Variants in TRIM5 observed in about 807,000 individuals in gnomAD.
The protein encoded by TRIM5 is tripartite motif containing 5.
A neutral mutation model predicts 35.6 loss-of-function variants in TRIM5; 31 were observed. The observed-to-expected ratio is 0.87, with a 90% confidence interval of 0.65 to 1.18. The LOEUF is 1.18. Among genes scored for constraint, TRIM5 ranks in the 50% most tolerant of loss-of-function variants. The pLI, the probability that TRIM5 is intolerant of heterozygous loss-of-function variation, is 0.00. For synonymous variants in TRIM5, 243 were observed against 215.6 expected (o/e 1.13, Z -1.11); for missense variants, 609 against 591.6 (o/e 1.03, Z -0.31).
chr11:5,609,635 A>G, the TRIM5 span, among the ~76,000 whole-genome samples: 9,706 of 152,302 alleles, frequency 0.064, 347 homozygotes, highest in South Asian at 0.11. Context: ...TAAGAAGTTA[A>G]ATCTTGGACA....
the TRIM5 span, among the ~76,000 whole-genome samples, chr11:5,630,072 C>A: frequency 1.1e-4 from 17 of 152,092 alleles, no homozygotes; most frequent in African/African-American, 3.1e-4. Context: ...ACTAACGTAG[C>A]TTAGGTAAAT....
the TRIM5 span, among the ~76,000 whole-genome samples, chr11:5,628,839 C>A: frequency 1.3e-5 from 2 of 150,152 alleles, no homozygotes; most frequent in African/African-American, 4.9e-5. Flanking sequence ...ATGTGAAAAT[C>A]GGTTCTATTC....
the TRIM5 span, among the ~76,000 whole-genome samples, chr11:5,607,268 G>A: frequency 6.6e-6 from 1 of 152,198 alleles, no homozygotes; most frequent in African/African-American, 2.4e-5. Context: ...GCCAACATAA[G>A]AGAAGTAGCC....
chr11:5,645,112 AATCCCAGCCAGCACTTTGGG>A, the TRIM5 span, among the ~76,000 whole-genome samples: 8 of 152,206 alleles, frequency 5.3e-5, no homozygotes, highest in Non-Finnish European at 1.0e-4. Context: ...TCATGCCGGT[AATCCCAGCCAGCACTTTGGG>A]ATCCCAGCCA....
the TRIM5 span, among the ~76,000 whole-genome samples, chr11:5,615,251 C>T: frequency 3.3e-5 from 5 of 152,042 alleles, no homozygotes; most frequent in Admixed American, 6.5e-5. Context: ...TTCTGTGGTC[C>T]TGGGGTACAG....
chr11:5,662,932 C>T (rs2134006288), downstream of TRIM5, among the ~76,000 whole-genome samples: 1 of 152,238 alleles, frequency 6.6e-6, no homozygotes, highest in Middle Eastern at 3.4e-3. Flanking sequence ...GCTTCGGGAT[C>T]CGCCTGGGCA....
At chr11:5,611,406 C>G in the TRIM5 span, 4 of 1,245,900 alleles carry the variant, frequency 3.2e-6, no homozygotes, top group East Asian at 9.3e-5. Context: ...GTGATTCTCC[C>G]TTCTGATCTT....
chr11:5,633,514 T>C, the TRIM5 span, among the ~76,000 whole-genome samples: 2,880 of 152,306 alleles, frequency 0.019, 90 homozygotes, highest in African/African-American at 0.066. Flanking sequence ...GTGGATTGAA[T>C]GAGGAAAGAG....
At chr11:5,661,790 T>C (rs183848741), downstream of TRIM5, among the ~76,000 whole-genome samples, 527 of 152,312 alleles carry the variant, frequency 3.5e-3, 2 homozygotes, top group Middle Eastern at 6.8e-3. Context: ...AAGCTTCATA[T>C]TCTTTTCAGC....
At chr11:5,649,445 G>A in the TRIM5 span, among the ~76,000 whole-genome samples, 24 of 152,090 alleles carry the variant, frequency 1.6e-4, no homozygotes, top group Admixed American at 1.1e-3. Flanking sequence ...ATAATATTAA[G>A]AGATACCCTA....
chr11:5,640,442 AT>A, the TRIM5 span, among the ~76,000 whole-genome samples: 12 of 150,614 alleles, frequency 8.0e-5, no homozygotes, highest in African/African-American at 9.8e-5. Context: ...ACATCAATTG[AT>A]TTTTTTTTAT....
At chr11:5,637,159 C>T in the TRIM5 span, among the ~76,000 whole-genome samples, 205 of 150,396 alleles carry the variant, frequency 1.4e-3, 1 homozygote, top group African/African-American at 4.6e-3. Flanking sequence ...GGCGACAGAG[C>T]GAGACTCAGT....
At chr11:5,663,125 A>AAAACAAAC (rs71053290), downstream of TRIM5, 1 of 506,856 alleles carries the variant, frequency 2.0e-6, no homozygotes, top group South Asian at 8.5e-5. Flanking sequence ...ACCCTGTCTC[A>AAAACAAAC]AAACAAACAA....
At chr11:5,614,312 C>A in the TRIM5 span, among the ~76,000 whole-genome samples, 1 of 152,170 alleles carries the variant, frequency 6.6e-6, no homozygotes, top group African/African-American at 2.4e-5. Flanking sequence ...GTGGCACTTG[C>A]TGTACCCCAG....
chr11:5,604,391 T>A, the TRIM5 span: 3 of 813,824 alleles, frequency 3.7e-6, no homozygotes, highest in Non-Finnish European at 5.5e-6. Flanking sequence ...ATATAAAAGA[T>A]TTGTTGGCCC....
At chr11:5,680,892 G>A (rs948021934) in intron 1 of TRIM5, among the ~76,000 whole-genome samples, 4 of 152,148 alleles carry the variant, frequency 2.6e-5, no homozygotes, top group Non-Finnish European at 5.9e-5. Flanking sequence ...AGATGACCTC[G>A]TATTCAGGGT....
intron 3 of TRIM5, 138 bp downstream of exon 3, chr11:5,678,936 C>A: frequency 1.4e-6 from 1 of 709,696 alleles, no homozygotes; most frequent in African/African-American, 1.8e-5. Context: ...CACCACACCC[C>A]ATCAGGGAAA....
chr11:5,596,623 G>T, the TRIM5 span: 1 of 327,456 alleles, frequency 3.1e-6, no homozygotes, highest in Non-Finnish European at 5.5e-6. Context: ...ACCCCAGGCG[G>T]CCCGACTCCT....
chr11:5,619,591 C>T, the TRIM5 span, among the ~76,000 whole-genome samples: 4 of 132,162 alleles, frequency 3.0e-5, no homozygotes, highest in East Asian at 7.7e-4. Flanking sequence ...AGGAGTTTCT[C>T]TCTCTCAAGC....
Sources: gnomAD v4.1 joint callset for allele counts (sites outside exome capture counted in the v4.1 genomes callset) on GRCh38, gnomAD v4.1.1 for gene constraint, MANE v1.5 for transcripts, NCBI Gene and HGNC (gene_info 2026-07-23, HGNC 2026-07-21) for gene names.